The following PUM1 variants were observed in gnomAD, a reference collection of about 807,000 sequenced individuals.
PUM1 encodes the protein pumilio homolog 1.
Under a neutral mutation model 131.8 loss-of-function variants are expected in PUM1, and 13 were observed. The observed-to-expected ratio is 0.10, with a 90% CI of 0.06 to 0.16. PUM1 has a LOEUF of 0.16. Among genes scored for constraint, PUM1 ranks in the 10% least tolerant of loss-of-function variants. The pLI is 1.00. For synonymous variants in PUM1, 509 were observed against 556.5 expected (o/e 0.91, Z 1.20); for missense variants, 961 against 1,512.4 (o/e 0.64, Z 6.05).
intron 3 of PUM1, among the ~76,000 whole-genome samples, chr1:31,008,468 T>C (rs1642474447): frequency 6.6e-6 from 1 of 152,102 alleles, no homozygotes; most frequent in South Asian, 2.1e-4. Context: ...TGAACAGTTA[T>C]AAGTAGCAGT....
chr1:30,979,254 C>G (rs1273612858), intron 9 of PUM1, among the ~76,000 whole-genome samples: 4 of 152,162 alleles, frequency 2.6e-5, no homozygotes, highest in Non-Finnish European at 5.9e-5. Context: ...GAGCTTACTA[C>G]AGAAGACCAC....
chr1:30,954,854 A>G (rs893877641), intron 14 of PUM1, among the ~76,000 whole-genome samples: 6 of 152,076 alleles, frequency 3.9e-5, no homozygotes, highest in Non-Finnish European at 8.8e-5. Context: ...CTTGAGCCTA[A>G]GAGTTCGAGA....
chr1:30,968,534 A>T (rs1340768001), intron 10 of PUM1, 42 bp from the exon 11 acceptor site: 2 of 1,578,250 alleles, frequency 1.3e-6, no homozygotes, highest in Non-Finnish European at 1.7e-6. Context: ...CTTTCTTTTC[A>T]TTGGAGAAGA....
chr1:31,025,678 C>T (rs547266310), intron 3 of PUM1, among the ~76,000 whole-genome samples: 1 of 151,074 alleles, frequency 6.6e-6, no homozygotes. Flanking sequence ...GCCTCAGTCT[C>T]CCAAGTAGCT....
chr1:30,945,271 C>T, intron 18 of PUM1, 75 bp downstream of exon 18: 3 of 1,530,430 alleles, frequency 2.0e-6, no homozygotes. Flanking sequence ...TGAGAACATG[C>T]CACAAATCCT....
At chr1:31,027,224 A>G (rs1377301836) in intron 3 of PUM1, among the ~76,000 whole-genome samples, 2 of 152,186 alleles carry the variant, frequency 1.3e-5, no homozygotes, top group Admixed American at 1.3e-4. Context: ...CAGAAGGATC[A>G]CTTGAGCCCA....
chr1:31,026,392 G>A (rs1643224051), intron 3 of PUM1, among the ~76,000 whole-genome samples: 1 of 152,036 alleles, frequency 6.6e-6, no homozygotes, highest in African/African-American at 2.4e-5. Flanking sequence ...TGCTTTTTAA[G>A]GAATATCTCT....
At chr1:30,977,540 T>C (rs957768468) in intron 9 of PUM1, among the ~76,000 whole-genome samples, 2 of 152,178 alleles carry the variant, frequency 1.3e-5, no homozygotes, top group Non-Finnish European at 2.9e-5. Flanking sequence ...TAGGAAAACA[T>C]CCCAGGGCAA....
At chr1:31,026,484 ACT>A (rs752447440) in intron 3 of PUM1, among the ~76,000 whole-genome samples, 1 of 151,902 alleles carries the variant, frequency 6.6e-6, no homozygotes, top group Non-Finnish European at 1.5e-5. Context: ...AAAAAAATTT[ACT>A]CTTTCTGTTT....
At chr1:31,001,624 C>A (rs2124502303) in intron 5 of PUM1, among the ~76,000 whole-genome samples, 1 of 152,230 alleles carries the variant, frequency 6.6e-6, no homozygotes, top group East Asian at 1.9e-4. Flanking sequence ...ACAGTATCTA[C>A]CTCAAAGTGT....
chr1:31,050,815 G>A (rs998485943), intron 2 of PUM1: 1 of 173,958 alleles, frequency 5.7e-6, no homozygotes, highest in Non-Finnish European at 1.3e-5. Context: ...TTAATTACAA[G>A]GTATAAAAAT....
At chr1:31,000,192 T>C (rs1570243874) in intron 5 of PUM1, among the ~76,000 whole-genome samples, 1 of 152,270 alleles carries the variant, frequency 6.6e-6, no homozygotes. Context: ...GGTTTGTGAT[T>C]TGCTTTTTTG....
At chr1:30,939,772 T>G (rs1198935723) in intron 20 of PUM1, among the ~76,000 whole-genome samples, 1 of 152,160 alleles carries the variant, frequency 6.6e-6, no homozygotes, top group Non-Finnish European at 1.5e-5. Flanking sequence ...GTGGGAGGAC[T>G]GCTTGAGCCC....
chr1:30,961,756 A>T (rs1261664761), intron 14 of PUM1, among the ~76,000 whole-genome samples: 1 of 152,166 alleles, frequency 6.6e-6, no homozygotes, highest in African/African-American at 2.4e-5. Context: ...ATATAGGCTG[A>T]TGTGCGCATT....
At chr1:30,958,847 CATAA>C (rs1640282262) in intron 14 of PUM1, among the ~76,000 whole-genome samples, 1 of 152,046 alleles carries the variant, frequency 6.6e-6, no homozygotes, top group African/African-American at 2.4e-5. Context: ...ACATGTAACA[CATAA>C]GTCAAACAAA....
At chr1:31,039,375 A>C (rs1361487113) in intron 2 of PUM1, among the ~76,000 whole-genome samples, 2 of 151,742 alleles carry the variant, frequency 1.3e-5, no homozygotes, top group East Asian at 3.9e-4. Context: ...GGCGCCTGAT[A>C]CCACACCCGG....
intron 2 of PUM1, among the ~76,000 whole-genome samples, chr1:31,052,638 A>T (rs1027751134): frequency 1.3e-5 from 2 of 151,150 alleles, no homozygotes; most frequent in Non-Finnish European, 2.9e-5. Flanking sequence ...AGTATCTGGG[A>T]TTAGAGGCAG....
At chr1:31,065,188 C>G (rs1644456647) in intron 1 of PUM1, among the ~76,000 whole-genome samples, 2 of 152,128 alleles carry the variant, frequency 1.3e-5, no homozygotes, top group African/African-American at 2.4e-5. Context: ...GCCACGGAAG[C>G]TCAAGAAGTC....
At chr1:30,956,380 C>G (rs1242902917) in intron 14 of PUM1, among the ~76,000 whole-genome samples, 2 of 152,148 alleles carry the variant, frequency 1.3e-5, no homozygotes, top group African/African-American at 4.8e-5. Context: ...TCTCCCACCT[C>G]AGCCGTCCAA....
Sources: allele counts gnomAD v4.1 joint callset (sites outside exome capture counted in the v4.1 genomes callset), GRCh38; gene constraint gnomAD v4.1.1; transcripts MANE v1.5; gene names NCBI Gene and HGNC (gene_info 2026-07-23, HGNC 2026-07-21).